The following CDH13 variants were observed in gnomAD, a reference collection of about 807,000 sequenced individuals.
CDH13 encodes cadherin-13.
Under a neutral mutation model 63.8 loss-of-function variants are expected in CDH13, and 24 were observed. The observed-to-expected ratio is 0.38, with a 90% confidence interval of 0.27 to 0.53. CDH13 has a LOEUF of 0.53. Among genes scored for constraint, CDH13 ranks in the 20% least tolerant of loss-of-function variants. The pLI is 0.85. For synonymous variants in CDH13, 503 were observed against 355.3 expected, an observed-to-expected ratio of 1.42 and a Z score of -4.67; for missense variants, 1,049 against 903.1, an observed-to-expected ratio of 1.16 and a Z score of -2.07.
intron 3 of CDH13, among the ~76,000 whole-genome samples, chr16:83,112,870 A>G (rs112769401): frequency 6.6e-6 from 1 of 152,146 alleles, no homozygotes; most frequent in African/African-American, 2.4e-5. Context: ...ATATTTGGCT[A>G]TTAGGATAAT....
rs540906389 is a variant in CDH13 at position 83,158,495 on chromosome 16, T to C, written c.483+32994T>C. Reference sequence around the variant, plus strand: ...TGTACTTGCCAGGGCTGGCTGTCCCTGTCCAGCAGGTCACAGACCTCTCCT... The same window carrying C: ...TGTACTTGCCAGGGCTGGCTGTCCCCGTCCAGCAGGTCACAGACCTCTCCT... On this transcript the variant is annotated intron_variant, in intron 4 of 13. Coordinates refer to ENST00000567109, the MANE Select transcript of CDH13 (RefSeq NM_001257.5). Among the ~76,000 whole-genome samples the C allele has an allele frequency of 3.9e-5, 6 of 152,344 alleles. No individual in the cohort carries two copies. The South Asian group carries it at 1.2e-3, about 32-fold the overall frequency.
intron 2 of CDH13, among the ~76,000 whole-genome samples, chr16:82,985,680 A>G (rs756304312): frequency 1.3e-5 from 2 of 152,030 alleles, no homozygotes; most frequent in Non-Finnish European, 2.9e-5. Flanking sequence ...GGTAATTGAT[A>G]TGGTTTGGAT....
At position 83,291,866 on chromosome 16, in the gene CDH13, G is replaced by C. The variant is rs559553157; in HGVS notation, c.637-52996G>C. On this transcript the variant is annotated intron_variant, in intron 5 of 13. Coordinates refer to ENST00000567109, the MANE Select transcript of CDH13 (RefSeq NM_001257.5). ...TACATATTGAAAAAGTGTGTTCTAT[G>C]ATTCTTTTCCATATAGCTAATGTCA... Among the ~76,000 whole-genome samples, 49 of 152,206 alleles carry C rather than the reference G, an allele frequency of 3.2e-4. 1 individual carries two copies. The highest frequency in any genetic ancestry group is 3.2e-3 in the Admixed American group (49 of 15,290).
chr16:83,176,336 C>T (rs1333971987), intron 4 of CDH13, among the ~76,000 whole-genome samples: 1 of 151,344 alleles, frequency 6.6e-6, no homozygotes, highest in Non-Finnish European at 1.5e-5. Context: ...ATGGTGAAAC[C>T]CTGTCTCTTC....
intron 1 of CDH13, among the ~76,000 whole-genome samples, chr16:82,675,124 T>G (rs1249000155): frequency 6.6e-6 from 1 of 152,092 alleles, no homozygotes; most frequent in Non-Finnish European, 1.5e-5. Context: ...TTTTGCAACT[T>G]AAAAATCGTA....
chr16:83,754,261 G>A (rs575253361), intron 11 of CDH13, among the ~76,000 whole-genome samples: 2 of 152,124 alleles, frequency 1.3e-5, no homozygotes, highest in Non-Finnish European at 2.9e-5. Context: ...TAAAGGATGG[G>A]GTGTGGGATG....
chr16:82,766,468 A>G (rs575227285), intron 1 of CDH13, among the ~76,000 whole-genome samples: 42 of 152,372 alleles, frequency 2.8e-4, no homozygotes, highest in African/African-American at 9.1e-4. Context: ...ATTCTGGATC[A>G]GTCAGACCTG....
At chr16:83,580,264 C>T (rs1905439700) in intron 7 of CDH13, among the ~76,000 whole-genome samples, 1 of 152,084 alleles carries the variant, frequency 6.6e-6, no homozygotes, top group Non-Finnish European at 1.5e-5. Context: ...TATGGAACCA[C>T]TGGGGCTATT....
intron 10 of CDH13, among the ~76,000 whole-genome samples, chr16:83,728,591 A>G (rs1910698983): frequency 1.3e-5 from 2 of 152,156 alleles, no homozygotes; most frequent in African/African-American, 2.4e-5. Flanking sequence ...GGAAGCCTGG[A>G]GAGAAGAGAA....
chr16:82,867,652 C>A (rs1044404406), intron 2 of CDH13, among the ~76,000 whole-genome samples: 3 of 152,134 alleles, frequency 2.0e-5, no homozygotes, highest in Non-Finnish European at 4.4e-5. Context: ...TTTGAGGGTG[C>A]TTTTAATTGA....
At chr16:83,527,490 C>G (rs1216425260) in intron 7 of CDH13, among the ~76,000 whole-genome samples, 1 of 151,958 alleles carries the variant, frequency 6.6e-6, no homozygotes, top group African/African-American at 2.4e-5. Flanking sequence ...AATTCAGATA[C>G]AAAAAGAGTT....
At chr16:83,738,316 A>G (rs769690018) in intron 10 of CDH13, among the ~76,000 whole-genome samples, 9 of 152,266 alleles carry the variant, frequency 5.9e-5, no homozygotes, top group Non-Finnish European at 1.2e-4. Flanking sequence ...GCGAGTGAAC[A>G]GTACGTCACA....
intron 1 of CDH13, among the ~76,000 whole-genome samples, chr16:82,766,993 A>G (rs1313206067): frequency 2.0e-5 from 3 of 152,196 alleles, no homozygotes; most frequent in South Asian, 2.1e-4. Flanking sequence ...TTTACCACCT[A>G]TCTTTCCTTC....
At chr16:83,272,430 C>T (rs1054778164) in intron 5 of CDH13, among the ~76,000 whole-genome samples, 10 of 152,194 alleles carry the variant, frequency 6.6e-5, no homozygotes, top group African/African-American at 1.4e-4. Context: ...CCTCACATAT[C>T]GTACTGCAGT....
chr16:83,466,567 C>T (rs894524333), intron 6 of CDH13, among the ~76,000 whole-genome samples: 8 of 152,188 alleles, frequency 5.3e-5, no homozygotes, highest in Non-Finnish European at 8.8e-5. Context: ...CCCTAATGAC[C>T]TCCACCTGGC....
chr16:82,861,496 A>G (rs1191885856), intron 2 of CDH13, among the ~76,000 whole-genome samples: 2 of 152,162 alleles, frequency 1.3e-5, no homozygotes, highest in Non-Finnish European at 1.5e-5. Context: ...TTAGCAGGTT[A>G]TGGGGAATGT....
At chr16:83,019,836 T>TAAA (rs562381483) in intron 2 of CDH13, among the ~76,000 whole-genome samples, 15,691 of 100,358 alleles carry the variant, frequency 0.16, 1,099 homozygotes, top group East Asian at 0.33. Flanking sequence ...GAGTACACTC[T>TAAA]AAAAAAAAAA....
intron 4 of CDH13, among the ~76,000 whole-genome samples, chr16:83,172,495 G>T (rs973249220): frequency 2.0e-5 from 3 of 148,756 alleles, no homozygotes; most frequent in Non-Finnish European, 4.5e-5. Context: ...TCTCAAAAAA[G>T]AAAAAAAAAG....
chr16:82,681,976 C>G (rs978670797), intron 1 of CDH13, among the ~76,000 whole-genome samples: 1 of 152,226 alleles, frequency 6.6e-6, no homozygotes, highest in Non-Finnish European at 1.5e-5. Flanking sequence ...CTTTCATTTC[C>G]CCTCTTCCCT....
Sources: allele counts gnomAD v4.1 joint callset (sites outside exome capture counted in the v4.1 genomes callset), GRCh38; gene constraint gnomAD v4.1.1; transcripts MANE v1.5; gene names NCBI Gene and HGNC (gene_info 2026-07-23, HGNC 2026-07-21).